Variants in EVL observed in about 807,000 individuals in gnomAD.
The protein encoded by EVL is ena/VASP-like protein.
EVL carries 21 observed loss-of-function variants against 59.6 expected under a neutral mutation model. The ratio of observed to expected loss-of-function variants is 0.35; its 90% CI spans 0.25 to 0.51. EVL has a LOEUF of 0.51. EVL is among the 20% of genes least tolerant of loss of function. The pLI is 0.97. For synonymous variants in EVL, 198 were observed against 203.5 expected (o/e 0.97, Z 0.23); for missense variants, 462 against 546.6 (o/e 0.85, Z 1.54).
At chr14:100,012,244 A>AT (rs1240627742) in intron 1 of EVL, among the ~76,000 whole-genome samples, 1 of 152,186 alleles carries the variant, frequency 6.6e-6, no homozygotes. Flanking sequence ...GCTAACTATC[A>AT]TTTCAGCTTT....
intron 3 of EVL, chr14:100,107,955 TTAAAACACAGGATG>T (rs2140338796): frequency 6.6e-6 from 1 of 152,320 alleles, no homozygotes; most frequent in East Asian, 1.9e-4. Flanking sequence ...TCCGGGCGAA[TTAAAACACAGGATG>T]AAGTGCTTGT....
At chr14:100,013,992 A>G (rs1487867321) in intron 1 of EVL, among the ~76,000 whole-genome samples, 1 of 152,244 alleles carries the variant, frequency 6.6e-6, no homozygotes, top group African/African-American at 2.4e-5. Flanking sequence ...CAAATGGGGT[A>G]TCCATCACCT....
intron 1 of EVL, among the ~76,000 whole-genome samples, chr14:100,018,849 C>A (rs2061074558): frequency 6.6e-6 from 1 of 152,216 alleles, no homozygotes; most frequent in African/African-American, 2.4e-5. Context: ...TCTTGCCAGC[C>A]TGATAAACAT....
intron 1 of EVL, among the ~76,000 whole-genome samples, chr14:100,015,600 C>T (rs1014567029): frequency 5.3e-5 from 8 of 152,194 alleles, no homozygotes; most frequent in South Asian, 2.1e-4. Flanking sequence ...TCATTAGCGC[C>T]GGCAGGGACT....
intron 1 of EVL, among the ~76,000 whole-genome samples, chr14:99,998,052 C>A (rs2060924903): frequency 1.3e-5 from 2 of 151,918 alleles, no homozygotes; most frequent in African/African-American, 4.8e-5. Flanking sequence ...CAAAGTCTTG[C>A]TCTTTTACCC....
At chr14:100,066,792 C>A (rs146275110) in intron 1 of EVL, among the ~76,000 whole-genome samples, 6 of 152,156 alleles carry the variant, frequency 3.9e-5, no homozygotes, top group Non-Finnish European at 8.8e-5. Context: ...ATTTTAAAAT[C>A]GTAGAAATCC....
At chr14:100,017,825 T>TC (rs1023412388) in intron 1 of EVL, among the ~76,000 whole-genome samples, 2 of 152,166 alleles carry the variant, frequency 1.3e-5, no homozygotes, top group African/African-American at 4.8e-5. Flanking sequence ...ACCACAGGAT[T>TC]CCCCCAGACA....
chr14:100,008,177 TCTC>T lies in EVL; in HGVS notation c.5+36125_5+36127del, dbSNP rs2060995392. ...GGGCTTGTTAAAACAGTGCTGGTTC[TCTC>T]CTCCAGCCTCTGATGCACTAATTCT... On this transcript the variant is annotated intron_variant, in intron 1 of 13. Transcript: ENST00000402714. 6.6e-5 allele frequency among the ~76,000 whole-genome samples: 10 copies of T among 152,282 alleles called. 1 individual carries two copies. In the South Asian group the frequency reaches 1.9e-3, roughly 28 times the overall value.
chr14:100,137,694 G>C (rs760013987), intron 10 of EVL, 46 bp from the exon 11 acceptor site: 2 of 1,613,816 alleles, frequency 1.2e-6, no homozygotes, highest in East Asian at 2.2e-5. Flanking sequence ...GGGCAGAGGC[G>C]GGCGCTGGCG....
chr14:99,973,663 A>G lies in EVL; in HGVS notation c.5+1606A>G, dbSNP rs192298731. Among the ~76,000 whole-genome samples the G allele has an allele frequency of 7.2e-5, 11 of 152,276 alleles. No homozygotes were observed. The East Asian group carries it at 2.1e-3, about 29-fold the overall frequency. On this transcript the variant is annotated intron_variant, in intron 1 of 13. Transcript: ENST00000402714. Reference sequence around the variant, plus strand: ...TTTTTAGTAGAGACGGGGTTTCACCATGTTGGCCAGGCGGGTCTCGAACTC... The same window carrying G: ...TTTTTAGTAGAGACGGGGTTTCACCGTGTTGGCCAGGCGGGTCTCGAACTC...
Position 99,972,107 on chromosome 14 carries a change from GGGGCT to G in EVL, c.5+59_5+63del. On this transcript the variant is annotated intron_variant, in intron 1 of 13. Coordinates refer to the EVL transcript ENST00000402714. This position sits in a 1 kb window ranked among gnomAD's most constrained non-coding sequence, Gnocchi z 4.4. ...GGAGGTGGCAGCGGCCAGCGTCGGA[GGGGCT>G]GGGCTGGGGGCCCGCGGTGCCCCCG... 3.1e-6 allele frequency: 1 copy of G among 321,254 alleles called. No homozygotes were observed. The highest frequency in any genetic ancestry group is 5.7e-6 in the Non-Finnish European group (1 of 176,366). 19.9% of individuals were successfully genotyped at this position (321,254 alleles called of 1,614,324 possible). A position where few individuals can be genotyped will look rare whatever the true frequency, so the allele number is the denominator to read the frequency against.
intron 11 of EVL, chr14:100,139,667 C>T (rs1294319366): frequency 6.6e-6 from 1 of 152,308 alleles, no homozygotes; most frequent in Non-Finnish European, 1.5e-5. Flanking sequence ...CCTTATTCTC[C>T]CTGGCTGTGG....
intron 13 of EVL, among the ~76,000 whole-genome samples, chr14:100,143,334 A>ACACC (rs2140413896): frequency 6.6e-6 from 1 of 152,062 alleles, no homozygotes; most frequent in East Asian, 1.9e-4. Context: ...CGGCACCTGG[A>ACACC]CACCCACCTG....
At chr14:99,978,387 G>A (rs1403482836) in intron 1 of EVL, among the ~76,000 whole-genome samples, 1 of 151,132 alleles carries the variant, frequency 6.6e-6, no homozygotes, top group African/African-American at 2.4e-5. Flanking sequence ...GGGCGACAGA[G>A]CGAGACTCTG....
chr14:99,988,791 C>G (rs2060857446), intron 1 of EVL, among the ~76,000 whole-genome samples: 1 of 152,162 alleles, frequency 6.6e-6, no homozygotes, highest in Admixed American at 6.5e-5. Flanking sequence ...ATATTATACT[C>G]AATGACAGGT....
chr14:100,000,597 T>C lies in EVL; in HGVS notation c.5+28540T>C, dbSNP rs2060940629. Among the ~76,000 whole-genome samples the C allele has an allele frequency of 2.0e-5, 3 of 152,132 alleles. No individual in the cohort carries two copies. In the South Asian group the frequency reaches 6.2e-4, roughly 31 times the overall value. On this transcript the variant is annotated intron_variant, in intron 1 of 13. Coordinates refer to the EVL transcript ENST00000402714. The stretch of plus-strand genomic sequence containing the variant: ...CTCCTGACCTCGTGATCCGCCCACC[T>C]CGGCCTCCCAAAGTGCTGGGATTAC...
intron 1 of EVL, among the ~76,000 whole-genome samples, chr14:100,047,145 T>TTTTTTTTTTTTTTA (rs55650233): frequency 1.6e-5 from 2 of 128,076 alleles, no homozygotes; most frequent in South Asian, 5.0e-4. Flanking sequence ...TTTTTTTTTT[T>TTTTTTTTTTTTTTA]ACCTGACCCC....
Position 100,084,889 on chromosome 14 carries a change from C to T in EVL, c.180+34C>T, listed in dbSNP as rs774462748. ...TGGAATTACAGATTATACCCGTGAG[C>T]CTGCGCACCACCTCCTCACCGCCCA... On this transcript the variant is annotated intron_variant, in intron 2 of 13. Transcript: ENST00000392920. 29 of 1,607,992 alleles carry T rather than the reference C, an allele frequency of 1.8e-5. No homozygotes were observed. In the African/African-American group the frequency reaches 3.2e-4, roughly 18 times the overall value.
intron 3 of EVL, chr14:100,107,736 G>C: frequency 6.5e-6 from 1 of 153,824 alleles, no homozygotes. Flanking sequence ...GTGGGGGTGG[G>C]ACAGAAGCAT....
Sources: gnomAD v4.1 joint callset for allele counts (sites outside exome capture counted in the v4.1 genomes callset) on GRCh38, gnomAD v4.1.1 for gene constraint, Gnocchi (gnomAD v3.1) non-coding constraint, MANE v1.5 for transcripts, NCBI Gene and HGNC (gene_info 2026-07-23, HGNC 2026-07-21) for gene names.